Variants in CLYBL observed in about 807,000 individuals in gnomAD.
The protein encoded by CLYBL is citramalyl-CoA lyase, mitochondrial.
CLYBL carries 31 observed loss-of-function variants against 38.9 expected under a neutral mutation model. The ratio of observed to expected loss-of-function variants is 0.80; its 90% CI spans 0.60 to 1.08. The LOEUF (loss-of-function observed/expected upper bound fraction) is 1.08, where lower values mean the gene tolerates loss of function less well. Ranked by LOEUF, CLYBL falls within the 50% of genes least tolerant of loss-of-function variation. The pLI, the probability that CLYBL is intolerant of heterozygous loss-of-function variation, is 0.00. For missense variants in CLYBL, 434 were observed against 411.6 expected (o/e 1.05, Z -0.47); for synonymous variants, 171 against 158.6 (o/e 1.08, Z -0.59).
chr13:99,684,701 C>A (rs1323707920), intron 1 of CLYBL, among the ~76,000 whole-genome samples: 1 of 152,166 alleles, frequency 6.6e-6, no homozygotes, highest in Non-Finnish European at 1.5e-5. Context: ...ATCTACCAGT[C>A]CGATGATGCA....
At chr13:99,726,400 A>G (rs1436077005) in intron 1 of CLYBL, 1 of 152,306 alleles carries the variant, frequency 6.6e-6, no homozygotes, top group East Asian at 1.9e-4. Flanking sequence ...TTAACTCTCC[A>G]TGGGGTCGGT....
intron 1 of CLYBL, among the ~76,000 whole-genome samples, chr13:99,657,705 T>G (rs1232309760): frequency 6.6e-6 from 1 of 152,220 alleles, no homozygotes; most frequent in Non-Finnish European, 1.5e-5. Flanking sequence ...ATTTTTTTTC[T>G]TTTTTGGAAA....
intron 2 of CLYBL, among the ~76,000 whole-genome samples, chr13:99,779,643 A>G (rs2806310): frequency 0.29 from 44,142 of 152,132 alleles, 7,967 homozygotes; most frequent in Middle Eastern, 0.43. Flanking sequence ...GGTGCTACAG[A>G]AGTTTCTAAA....
chr13:99,679,738 G>C (rs547692931), intron 1 of CLYBL, among the ~76,000 whole-genome samples: 12 of 152,128 alleles, frequency 7.9e-5, no homozygotes, highest in African/African-American at 2.4e-4. Context: ...GAGAGGGTGG[G>C]GGGGGAAATG....
At chr13:99,896,002 G>A (rs2052571841), downstream of CLYBL, 1 of 151,758 alleles carries the variant, frequency 6.6e-6, no homozygotes, top group Non-Finnish European at 1.5e-5. Flanking sequence ...GCGGCCCCGC[G>A]GGCAGGAGGA....
At chr13:99,730,682 G>T (rs567070673) in intron 1 of CLYBL, among the ~76,000 whole-genome samples, 2 of 152,280 alleles carry the variant, frequency 1.3e-5, no homozygotes, top group Admixed American at 6.5e-5. Context: ...CACGCCTGGA[G>T]TCTTGGCGGG....
intron 1 of CLYBL, among the ~76,000 whole-genome samples, chr13:99,608,219 T>A (rs909531769): frequency 5.3e-5 from 8 of 151,880 alleles, no homozygotes; most frequent in Admixed American, 6.6e-5. Context: ...TTACAGGGCG[T>A]CCGCCACCAT....
chr13:99,830,162 G>A lies in CLYBL; in HGVS notation c.250-28699G>A, dbSNP rs1172868408. ...TCTAAAATGACTAGATAATTGTAGA[G>A]CTTTCTTCAGCCCTAAAATTCTGTG... On this transcript the variant is annotated intron_variant, in intron 2 of 8. Transcript: ENST00000339105. Among the ~76,000 whole-genome samples, 2 of 152,132 alleles carry A rather than the reference G, an allele frequency of 1.3e-5. 1 individual carries two copies. The highest frequency in any genetic ancestry group is 4.1e-4 in the South Asian group (2 of 4,826).
intron 2 of CLYBL, among the ~76,000 whole-genome samples, chr13:99,833,613 G>A (rs914433563): frequency 6.7e-6 from 1 of 149,774 alleles, no homozygotes; most frequent in African/African-American, 2.5e-5. Flanking sequence ...CCATCCCTGA[G>A]TGCCTAGGTA....
chr13:99,825,465 T>C (rs567484467), intron 2 of CLYBL, among the ~76,000 whole-genome samples: 15 of 152,362 alleles, frequency 9.8e-5, no homozygotes, highest in African/African-American at 3.1e-4. Context: ...GACACACTTT[T>C]GTTCCAGGTA....
At position 99,849,399 on chromosome 13, in the gene CLYBL, G is replaced by A. The variant is rs1348274561; in HGVS notation, c.250-9462G>A. Reference sequence around the variant, plus strand: ...ATGGTGGTGCATGCCTGTAGTCACAGCTACTCAGGAGGCCAAGGCGAGCGG... The same window carrying A: ...ATGGTGGTGCATGCCTGTAGTCACAACTACTCAGGAGGCCAAGGCGAGCGG... On this transcript the variant is annotated intron_variant, in intron 2 of 8. Transcript: ENST00000339105. The surrounding 1 kb of genome is among the most constrained non-coding windows in gnomAD (Gnocchi z 4.9). 2.0e-5 allele frequency among the ~76,000 whole-genome samples: 3 copies of A among 152,166 alleles called. No individual in the cohort carries two copies. Among genetic ancestry groups the A allele is most frequent in the African/African-American group, 7.2e-5 (3 of 41,446 alleles).
intron 1 of CLYBL, among the ~76,000 whole-genome samples, chr13:99,648,848 A>G (rs7323953): frequency 0.039 from 5,932 of 152,180 alleles, 395 homozygotes; most frequent in African/African-American, 0.14. Flanking sequence ...TATGTTTTAC[A>G]TGGCTTTACA....
chr13:99,799,393 A>C (rs933833766), intron 2 of CLYBL, among the ~76,000 whole-genome samples: 2 of 152,040 alleles, frequency 1.3e-5, no homozygotes, highest in Admixed American at 1.3e-4. Context: ...ACACACACAC[A>C]TACACACACA....
intron 2 of CLYBL, among the ~76,000 whole-genome samples, chr13:99,780,450 G>A (rs1361347536): frequency 1.3e-5 from 2 of 152,022 alleles, no homozygotes; most frequent in African/African-American, 2.4e-5. Flanking sequence ...GCATGATCTC[G>A]GCTCACTGCA....
At chr13:99,611,722 G>A (rs912591841) in intron 1 of CLYBL, among the ~76,000 whole-genome samples, 1 of 152,126 alleles carries the variant, frequency 6.6e-6, no homozygotes, top group African/African-American at 2.4e-5. Context: ...GTAAATGTTT[G>A]CACCTGCAGT....
intron 1 of CLYBL, among the ~76,000 whole-genome samples, chr13:99,705,415 T>C (rs1319463384): frequency 2.0e-5 from 3 of 152,152 alleles, no homozygotes; most frequent in African/African-American, 7.2e-5. Flanking sequence ...ACCCTGTCTC[T>C]ACTAAAAGTA....
intron 1 of CLYBL, among the ~76,000 whole-genome samples, chr13:99,624,191 G>A (rs981610017): frequency 2.6e-5 from 4 of 152,100 alleles, no homozygotes; most frequent in African/African-American, 7.2e-5. Flanking sequence ...CACCAGCCAC[G>A]AATGTGTGCA....
chr13:99,779,160 GAGA>G (rs890060178), intron 2 of CLYBL, among the ~76,000 whole-genome samples: 6 of 151,810 alleles, frequency 4.0e-5, no homozygotes, highest in Non-Finnish European at 7.4e-5. Flanking sequence ...TTGTTTTTTT[GAGA>G]AGGAGTCTCG....
At chr13:99,890,874 C>T (rs375014744) in intron 7 of CLYBL, among the ~76,000 whole-genome samples, 5 of 152,146 alleles carry the variant, frequency 3.3e-5, no homozygotes, top group African/African-American at 1.2e-4. Context: ...ATCATGTTAC[C>T]TCTCAATTAT....
Sources: allele counts gnomAD v4.1 joint callset (sites outside exome capture counted in the v4.1 genomes callset), GRCh38; gene constraint gnomAD v4.1.1; non-coding constraint Gnocchi (gnomAD v3.1); transcripts MANE v1.5; gene names NCBI Gene and HGNC (gene_info 2026-07-23, HGNC 2026-07-21).